USP53: variants seen among roughly 807,000 people sequenced by gnomAD.
USP53 encodes ubiquitin carboxyl-terminal hydrolase 53.
In USP53, 71 loss-of-function variants were observed where a neutral mutation model predicts 94.9. The observed-to-expected ratio is 0.75, with a 90% CI of 0.62 to 0.91. The LOEUF (loss-of-function observed/expected upper bound fraction) is 0.91. USP53 is among the 40% of genes least tolerant of loss of function. USP53 has a pLI of 0.00. For synonymous variants in USP53, 375 were observed against 422.7 expected, an observed-to-expected ratio of 0.89 and a Z score of 1.39; for missense variants, 1,173 against 1,281.0, an observed-to-expected ratio of 0.92 and a Z score of 1.29.
intron 6 of USP53, among the ~76,000 whole-genome samples, chr4:119,247,247 C>T (rs745446535): frequency 3.3e-5 from 5 of 152,160 alleles, no homozygotes; most frequent in African/African-American, 9.7e-5. Context: ...TTCCTCTCCT[C>T]CCCTGTCAAA....
At chr4:119,221,529 A>C (rs1464698656) in intron 3 of USP53, 2 of 152,174 alleles carry the variant, frequency 1.3e-5, no homozygotes, top group Non-Finnish European at 2.9e-5. Context: ...CACCAGGGGA[A>C]GATAAATTAT....
chr4:119,267,252 T>A, intron 12 of USP53, 68 bp from the exon 13 acceptor site: 1 of 1,474,250 alleles, frequency 6.8e-7, no homozygotes, highest in Non-Finnish European at 9.1e-7. Flanking sequence ...ACTCAGAGTC[T>A]GTCTTTTCAT....
chr4:119,268,614 T>G (rs1456557068), intron 14 of USP53, among the ~76,000 whole-genome samples, 194 bp downstream of exon 14: 1 of 152,240 alleles, frequency 6.6e-6, no homozygotes, highest in African/African-American at 2.4e-5. Flanking sequence ...CATGAGTTGT[T>G]TGAGTTTCTT....
chr4:119,229,064 A>G (rs928748898), intron 3 of USP53, among the ~76,000 whole-genome samples: 4 of 152,148 alleles, frequency 2.6e-5, no homozygotes, highest in Admixed American at 2.0e-4. Context: ...CCAGGTATTC[A>G]GCCTGGGGAT....
At chr4:119,231,297 A>G (rs1022665431) in intron 3 of USP53, among the ~76,000 whole-genome samples, 3 of 152,204 alleles carry the variant, frequency 2.0e-5, no homozygotes, top group African/African-American at 4.8e-5. Flanking sequence ...ATTTACTGGT[A>G]GAACCTAATA....
intron 3 of USP53, among the ~76,000 whole-genome samples, chr4:119,225,929 T>TA: frequency 6.6e-6 from 1 of 152,198 alleles, no homozygotes. Flanking sequence ...TCGACAGGAA[T>TA]ACAAGGTTGA....
chr4:119,271,292 T>A lies in USP53; in HGVS notation c.1436-4T>A. 1 of 1,533,254 alleles carries A rather than the reference T, an allele frequency of 6.5e-7. No individual in the cohort carries two copies. Among genetic ancestry groups the A allele is most frequent in the East Asian group, 2.3e-5 (1 of 44,190 alleles). The allele number at this position is 1,533,254 out of a possible 1,614,324, so 95.0% of individuals were successfully genotyped here. A position where few individuals can be genotyped will look rare whatever the true frequency, so the allele number is the denominator to read the frequency against. On this transcript the variant is annotated splice_polypyrimidine_tract_variant and splice_region_variant and intron_variant, in intron 15 of 18. Transcript: ENST00000692078. ...CATGTGTATCTTTAATTTTTTTTTT[T>A]AAGATTTGGTTGATGAAGACCTTTC...
rs1755015533 is a variant in USP53 at position 119,293,653 on chromosome 4, T to C, written c.*442T>C. On this transcript the variant is annotated 3_prime_UTR_variant, in exon 19 of 19. Coordinates refer to ENST00000692078, the MANE Select transcript of USP53 (RefSeq NM_001371395.1). ...TATTAAACTAACCAGTACTCATGTA[T>C]GGAGATTATAAACTATGCTAATTGA... is the stretch of plus-strand genomic sequence containing the variant. 1 of 153,872 alleles carries C rather than the reference T, an allele frequency of 6.5e-6. No individual in the cohort carries two copies. Among genetic ancestry groups the C allele is most frequent in the African/African-American group, 2.4e-5 (1 of 41,462 alleles). The allele number at this position is 153,872 out of a possible 1,614,324, so 9.5% of individuals were successfully genotyped here.
intron 12 of USP53, among the ~76,000 whole-genome samples, chr4:119,263,574 G>A (rs1024147512): frequency 5.9e-5 from 9 of 152,102 alleles, no homozygotes; most frequent in Admixed American, 6.6e-5. Context: ...TGGGAAAGAT[G>A]GGAAGCATCA....
chr4:119,253,366 A>G (rs1373173441), intron 7 of USP53, among the ~76,000 whole-genome samples: 2 of 152,036 alleles, frequency 1.3e-5, no homozygotes, highest in Non-Finnish European at 2.9e-5. Context: ...CCCTTTGTAG[A>G]AATCTAAGGA....
chr4:119,278,512 T>A (rs1050682507), intron 17 of USP53, among the ~76,000 whole-genome samples: 13 of 145,132 alleles, frequency 9.0e-5, no homozygotes, highest in Non-Finnish European at 1.5e-5. Context: ...AACCCGACCT[T>A]TCTCTCTGGC....
chr4:119,249,943 C>T (rs569120962), intron 7 of USP53, among the ~76,000 whole-genome samples: 17 of 152,198 alleles, frequency 1.1e-4, no homozygotes, highest in Non-Finnish European at 2.2e-4. Flanking sequence ...GGATTACAGG[C>T]GTGAGCCACT....
intron 12 of USP53, 125 bp from the exon 13 acceptor site, chr4:119,267,195 T>G: frequency 1.4e-6 from 1 of 735,958 alleles, no homozygotes; most frequent in Non-Finnish European, 2.1e-6. Context: ...GATACATACT[T>G]GAACTACTAG....
Position 119,239,638 on chromosome 4 carries a change from T to TA in USP53, c.-121dup, listed in dbSNP as rs1448865269. 3 of 1,184,334 alleles carry TA rather than the reference T, an allele frequency of 2.5e-6. No homozygotes were observed. In the African/African-American group the frequency reaches 4.6e-5, roughly 18 times the overall value. 73.4% of individuals were successfully genotyped at this position (1,184,334 alleles called of 1,614,324 possible). A position where few individuals can be genotyped will look rare whatever the true frequency, so the allele number is the denominator to read the frequency against. Reference sequence around the variant, plus strand: ...CAGGAAAGATATGGACTTGGAAACTTACATTATTAAAATAGACTGCAGTGG... The same window carrying TA: ...CAGGAAAGATATGGACTTGGAAACTTAACATTATTAAAATAGACTGCAGTGG... On this transcript the variant is annotated 5_prime_UTR_variant, in exon 5 of 19. An upstream open reading frame in the 5' UTR gains an earlier in-frame stop. Transcript: ENST00000692078.
chr4:119,291,740 G>A (rs997623329), intron 18 of USP53, among the ~76,000 whole-genome samples: 3 of 152,064 alleles, frequency 2.0e-5, no homozygotes, highest in Non-Finnish European at 4.4e-5. Context: ...ATACAGCCAG[G>A]TGTGATGTGG....
chr4:119,216,024 A>G (rs550442032), intron 2 of USP53, among the ~76,000 whole-genome samples: 3 of 152,338 alleles, frequency 2.0e-5, no homozygotes, highest in South Asian at 4.1e-4. Flanking sequence ...TATTGAATAA[A>G]CATTATTGAC....
rs749198238 is a variant in USP53 at position 119,260,608 on chromosome 4, C to T, written c.777C>T (p.Thr259=). ...LVWDSEHSDL[T]EAVVRNLATH... Reference sequence around the variant, plus strand: ...GGGACTCCGAGCATTCTGACTTGACCGAAGCTGTTGTTCGGAATCTAGCAA... The same window carrying T: ...GGGACTCCGAGCATTCTGACTTGACTGAAGCTGTTGTTCGGAATCTAGCAA... The change falls in exon 11 of 19, where the codon ACC becomes ACT. Residue 259 remains threonine (T), a synonymous_variant. Coordinates refer to ENST00000692078, the MANE Select transcript of USP53 (RefSeq NM_001371395.1). The T allele has an allele frequency of 2.2e-5, 35 of 1,613,334 alleles. No homozygotes were observed. Among genetic ancestry groups the T allele is most frequent in the South Asian group, 9.9e-5 (9 of 90,990 alleles).
intron 3 of USP53, among the ~76,000 whole-genome samples, chr4:119,234,213 A>G (rs557211443): frequency 1.1e-4 from 17 of 152,310 alleles, no homozygotes; most frequent in Non-Finnish European, 1.6e-4. Flanking sequence ...TTCTCTGCCC[A>G]GAGCAATGTA....
At chr4:119,217,171 AG>A (rs1392906355) in intron 2 of USP53, among the ~76,000 whole-genome samples, 1 of 152,182 alleles carries the variant, frequency 6.6e-6, no homozygotes, top group Non-Finnish European at 1.5e-5. Flanking sequence ...CTTGTCAAGA[AG>A]CCATCAGGGT....
Sources: gnomAD v4.1 joint callset for allele counts (sites outside exome capture counted in the v4.1 genomes callset) on GRCh38, gnomAD v4.1.1 for gene constraint, MANE v1.5 for transcripts, NCBI Gene and HGNC (gene_info 2026-07-23, HGNC 2026-07-21) for gene names.